Variants in HOXB3 observed in about 807,000 individuals in gnomAD.
The protein encoded by HOXB3 is homeobox protein Hox-B3.
In HOXB3, 17 loss-of-function variants were observed where a neutral mutation model predicts 29.2. The observed-to-expected ratio is 0.58, with a 90% CI of 0.40 to 0.87. The LOEUF is 0.87. Ranked by LOEUF, HOXB3 falls within the 40% of genes least tolerant of loss-of-function variation. The pLI is 0.00. For synonymous variants in HOXB3, 317 were observed against 285.9 expected, an observed-to-expected ratio of 1.11 and a Z score of -1.10; for missense variants, 637 against 616.3, an observed-to-expected ratio of 1.03 and a Z score of -0.35.
intron 2 of HOXB3, among the ~76,000 whole-genome samples, chr17:48,573,100 G>C (rs1158512578): frequency 6.6e-6 from 1 of 152,140 alleles, no homozygotes; most frequent in Admixed American, 6.5e-5. Context: ...AGAGAACAGA[G>C]ACCTCAAATT....
At chr17:48,584,711 C>T (rs1365909414) in intron 1 of HOXB3, among the ~76,000 whole-genome samples, 1 of 152,162 alleles carries the variant, frequency 6.6e-6, no homozygotes, top group African/African-American at 2.4e-5. Flanking sequence ...CACCCTTAAG[C>T]GCTGTCTTTT....
intron 1 of HOXB3, among the ~76,000 whole-genome samples, chr17:48,586,289 C>T (rs2070044024): frequency 6.6e-6 from 1 of 152,342 alleles, no homozygotes; most frequent in South Asian, 2.1e-4. Context: ...TGGGATCCGA[C>T]AGGTTCCCGA....
At chr17:48,568,690 A>G (rs896770203) in intron 2 of HOXB3, among the ~76,000 whole-genome samples, 1 of 152,104 alleles carries the variant, frequency 6.6e-6, no homozygotes, top group African/African-American at 2.4e-5. Flanking sequence ...CCGGCTGAGA[A>G]GCTGACACCC....
intron 2 of HOXB3, among the ~76,000 whole-genome samples, chr17:48,568,471 A>T (rs1354970630): frequency 6.6e-6 from 1 of 152,046 alleles, no homozygotes; most frequent in African/African-American, 2.4e-5. Flanking sequence ...GAAATAACCA[A>T]CTCCTGGGAG....
At chr17:48,577,827 AG>A in intron 1 of HOXB3, 1 of 1,376,294 alleles carries the variant, frequency 7.3e-7, no homozygotes, top group Non-Finnish European at 9.4e-7. Context: ...GTAAAGCTCC[AG>A]GGGTGGGAGG....
chr17:48,551,907 C>G, intron 4 of HOXB3, 120 bp downstream of exon 4: 1 of 911,730 alleles, frequency 1.1e-6, no homozygotes, highest in East Asian at 2.4e-5. Context: ...AATGTACCCG[C>G]TGGCCACCTA....
chr17:48,589,755 G>T (rs758163564), intron 1 of HOXB3, among the ~76,000 whole-genome samples: 29 of 152,120 alleles, frequency 1.9e-4, no homozygotes, highest in Non-Finnish European at 3.8e-4. Context: ...GAGGATGGGG[G>T]GATAGTTGTC....
At chr17:48,558,920 G>A (rs1198122860) in intron 2 of HOXB3, among the ~76,000 whole-genome samples, 1 of 151,946 alleles carries the variant, frequency 6.6e-6, no homozygotes, top group Non-Finnish European at 1.5e-5. Context: ...GTGCCCATGT[G>A]TGTAGGGTGT....
intron 1 of HOXB3, chr17:48,576,014 G>C (rs2069745846): frequency 6.6e-6 from 1 of 152,262 alleles, no homozygotes; most frequent in Non-Finnish European, 1.5e-5. Context: ...TTCCCTACTT[G>C]CTCCCCTCCT....
chr17:48,573,687 G>GGCCTCTGACCCA, intron 2 of HOXB3, 150 bp downstream of exon 2: 1 of 610,676 alleles, frequency 1.6e-6, no homozygotes, highest in South Asian at 2.0e-5. Context: ...TCATAAAAGG[G>GGCCTCTGACCCA]AGCAAACCTG....
chr17:48,568,766 A>G (rs1259233285), intron 2 of HOXB3, among the ~76,000 whole-genome samples: 1 of 151,842 alleles, frequency 6.6e-6, no homozygotes, highest in East Asian at 1.9e-4. Flanking sequence ...GGGAGGGAGA[A>G]AGAGAGAGAG....
chr17:48,578,412 A>C (rs887874718), intron 1 of HOXB3: 1 of 1,467,612 alleles, frequency 6.8e-7, no homozygotes, highest in Non-Finnish European at 9.0e-7. Context: ...CTTACTGTCA[A>C]GTGAACAAAG....
At chr17:48,575,712 A>G (rs1321530541) in intron 1 of HOXB3, 1 of 145,326 alleles carries the variant, frequency 6.9e-6, no homozygotes, top group Non-Finnish European at 1.5e-5. Context: ...ATAATAAACG[A>G]TGCAACATAA....
At chr17:48,574,109 G>T in intron 1 of HOXB3, 95 bp from the exon 2 acceptor site, 1 of 531,050 alleles carries the variant, frequency 1.9e-6, no homozygotes, top group Non-Finnish European at 3.3e-6. Flanking sequence ...CTTAGCTCTT[G>T]TCTACACAGA....
At chr17:48,570,144 C>T (rs773830267) in intron 2 of HOXB3, among the ~76,000 whole-genome samples, 7 of 152,032 alleles carry the variant, frequency 4.6e-5, no homozygotes, top group African/African-American at 1.5e-4. Flanking sequence ...GTTAGCACCC[C>T]GAGCTTCCAA....
Position 48,552,248 on chromosome 17 carries a change from G to C in HOXB3, c.227C>G (p.Pro76Arg). ...SKELNGSCMR[P>R]GLAPEPLSAP... ...CGACAGGGGCTCGGGGGCCAGACCC[G>C]GCCTCATGCAGCTGCCGTTGAGCTC... The change falls in exon 4 of 5, where the codon CCG becomes CGG. Residue 76 changes from proline to arginine, a missense_variant. Transcript: ENST00000498678. The C allele has an allele frequency of 6.2e-7, 1 of 1,613,182 alleles. No homozygotes were observed. Among genetic ancestry groups the C allele is most frequent in the Non-Finnish European group, 8.5e-7 (1 of 1,179,816 alleles).
At chr17:48,580,117 C>G in intron 1 of HOXB3, 1 of 326,170 alleles carries the variant, frequency 3.1e-6, no homozygotes, top group Non-Finnish European at 6.0e-6. Context: ...TTCTCCTCTT[C>G]TATTAGAATT....
At position 48,552,109 on chromosome 17, in the gene HOXB3, G is replaced by A. The variant is rs375122907; in HGVS notation, c.366C>T (p.Asn122=). 20 of 1,613,512 alleles carry A rather than the reference G, an allele frequency of 1.2e-5. No individual in the cohort carries two copies. The highest frequency in any genetic ancestry group is 1.6e-5 in the Non-Finnish European group (19 of 1,179,716). ...GGAATATCTGTTTGGTGAGGGTGGA[G>A]TTGGTGCCGGGACCGCACTTTGGGG... ...SGPPKCGPGT[N]STLTKQIFPW... is the part of the protein sequence containing the mutation. Residue 122 remains asparagine, a synonymous_variant, in exon 4 of 5, where the codon AAC becomes AAT. Coordinates refer to ENST00000498678, the MANE Select transcript of HOXB3 (RefSeq NM_001384749.1).
intron 1 of HOXB3, among the ~76,000 whole-genome samples, chr17:48,589,501 G>C (rs939409772): frequency 6.6e-6 from 1 of 152,188 alleles, no homozygotes; most frequent in Non-Finnish European, 1.5e-5. Flanking sequence ...ACAGGCTGAA[G>C]GTGGAGGCAA....
Sources: allele counts gnomAD v4.1 joint callset (sites outside exome capture counted in the v4.1 genomes callset), GRCh38; gene constraint gnomAD v4.1.1; transcripts MANE v1.5; gene names NCBI Gene and HGNC (gene_info 2026-07-23, HGNC 2026-07-21).